The following HINFP variants were observed in gnomAD, a reference collection of about 807,000 sequenced individuals.
HINFP encodes MBD2 (methyl-CpG-binding protein)-interacting zinc finger protein.
Under a neutral mutation model 50.1 loss-of-function variants are expected in HINFP, and 20 were observed. The ratio of observed to expected loss-of-function variants is 0.40; its 90% CI spans 0.28 to 0.58. The LOEUF (loss-of-function observed/expected upper bound fraction) is 0.58, where lower values mean the gene tolerates loss of function less well. HINFP is among the 20% of genes least tolerant of loss of function. The pLI, the probability that HINFP is intolerant of heterozygous loss-of-function variation, is 0.45. For missense variants in HINFP, 505 were observed against 664.1 expected, an observed-to-expected ratio of 0.76 and a Z score of 2.63; for synonymous variants, 247 against 243.7, an observed-to-expected ratio of 1.01 and a Z score of -0.13.
chr11:119,131,395 C>G lies in HINFP; in HGVS notation c.412-140C>G. The G allele has an allele frequency of 1.5e-6, 1 of 681,578 alleles. No homozygotes were observed. The highest frequency in any genetic ancestry group is 1.6e-5 in the South Asian group (1 of 61,490). 42.2% of individuals were successfully genotyped at this position (681,578 alleles called of 1,614,324 possible). ...TTAGCAACCGCACCCGGCCACTCCT[C>G]CATTTCTGTGCAGTGCCTTTCCTCA... is the stretch of plus-strand genomic sequence containing the variant. On this transcript the variant is annotated intron_variant, in intron 3 of 9. Transcript: ENST00000350777. This position sits in a 1 kb window ranked among gnomAD's most constrained non-coding sequence, Gnocchi z 4.2.
Position 119,131,588 on chromosome 11 carries a change from G to A in HINFP, c.465G>A (p.Leu155=). ...WFYRHVEAHS[L]CCEYEAVGKD... ...ATCGGCATGTGGAAGCACACAGTCT[G>A]TGCTGTGAATACGAAGCAGTCGGCA... Residue 155 remains leucine, a synonymous_variant, in exon 4 of 10, where the codon CTG becomes CTA. Coordinates refer to ENST00000350777, the MANE Select transcript of HINFP (RefSeq NM_198971.3). This position sits in a 1 kb window ranked among gnomAD's most constrained non-coding sequence, Gnocchi z 4.2. The A allele has an allele frequency of 6.2e-7, 1 of 1,614,190 alleles. No individual in the cohort carries two copies. The highest frequency in any genetic ancestry group is 1.1e-5 in the South Asian group (1 of 91,088).
intron 2 of HINFP, among the ~76,000 whole-genome samples, chr11:119,128,524 G>T (rs1469762098): frequency 2.0e-5 from 3 of 150,766 alleles, no homozygotes; most frequent in Admixed American, 2.0e-4. Context: ...TAGCCAGGAT[G>T]CCCCTGTTGG....
intron 2 of HINFP, chr11:119,129,758 C>G (rs933493774): frequency 5.9e-5 from 9 of 152,176 alleles, no homozygotes; most frequent in African/African-American, 2.2e-4. Context: ...GCCACCGCAC[C>G]CGGCCCAAAA....
chr11:119,131,887 C>T lies in HINFP; in HGVS notation c.581C>T (p.Thr194Ile). 1 of 1,614,204 alleles carries T rather than the reference C, an allele frequency of 6.2e-7. No individual in the cohort carries two copies. Among genetic ancestry groups the T allele is most frequent in the South Asian group, 1.1e-5 (1 of 91,090 alleles). ...SKLREHLRSH[T>I]QEKVVACPTC... is the part of the protein sequence containing the mutation. ...CTTCGAGAGCACCTCCGCAGCCATA[C>T]CCAGGAGAAAGTGGTAGCCTGCCCC... Residue 194 changes from threonine to isoleucine, a missense_variant, in exon 5 of 10, where the codon ACC (threonine) becomes ATC (isoleucine). By Grantham distance (89) the Thr-to-Ile change is moderately conservative. Transcript: ENST00000350777. This position sits in a 1 kb window ranked among gnomAD's most constrained non-coding sequence, Gnocchi z 4.2.
Position 119,132,587 on chromosome 11 carries a change from G to A in HINFP, c.754+14G>A, listed in dbSNP as rs775904186. The A allele has an allele frequency of 1.2e-5, 19 of 1,613,944 alleles. No individual in the cohort carries two copies. Among genetic ancestry groups the A allele is most frequent in the Admixed American group, 5.0e-5 (3 of 59,978 alleles). ...TGCGCAACCATGGTGAGTGGCCTGCGGCCCACAGCCTCCCTCCTGCCCTCC... is the reference window on the plus strand; with the variant it reads ...TGCGCAACCATGGTGAGTGGCCTGCAGCCCACAGCCTCCCTCCTGCCCTCC... On this transcript the variant is annotated intron_variant, in intron 6 of 9. Coordinates refer to ENST00000350777, the MANE Select transcript of HINFP (RefSeq NM_198971.3).
chr11:119,128,400 G>T (rs188450660), intron 2 of HINFP, among the ~76,000 whole-genome samples: 1 of 151,694 alleles, frequency 6.6e-6, no homozygotes, highest in Non-Finnish European at 1.5e-5. Flanking sequence ...CTGCCTCCTC[G>T]GTTCAAGCGA....
chr11:119,132,466 C>G (rs747000509), intron 5 of HINFP, 30 bp from the exon 6 acceptor site: 15 of 1,610,356 alleles, frequency 9.3e-6, no homozygotes, highest in South Asian at 2.2e-5. Flanking sequence ...TCACCTACAG[C>G]CCTCCTTTCT....
intron 2 of HINFP, among the ~76,000 whole-genome samples, chr11:119,129,490 C>CTTTTTTTTTTTTTTTT (rs59395600): frequency 2.3e-4 from 29 of 124,170 alleles, no homozygotes; most frequent in East Asian, 2.0e-3. Context: ...TTTTTCTTTT[C>CTTTTTTTTTTTTTTTT]TTTTTTTTTT....
chr11:119,124,361 C>T (rs1160818112), intron 1 of HINFP: 1 of 151,972 alleles, frequency 6.6e-6, no homozygotes, highest in East Asian at 1.9e-4. Context: ...GAGTTCCCAC[C>T]TGTCTCAGGT....
intron 2 of HINFP, among the ~76,000 whole-genome samples, chr11:119,127,816 T>C (rs1169782307): frequency 6.6e-6 from 1 of 152,022 alleles, no homozygotes; most frequent in Non-Finnish European, 1.5e-5. Context: ...GCTGGGACTA[T>C]TGGCTTGTGC....
At chr11:119,128,452 C>T (rs1028070367) in intron 2 of HINFP, among the ~76,000 whole-genome samples, 1 of 151,354 alleles carries the variant, frequency 6.6e-6, no homozygotes, top group Non-Finnish European at 1.5e-5. Context: ...ATTACAGGTG[C>T]GTGCCACTAC....
chr11:119,130,636 C>A, intron 2 of HINFP, 89 bp from the exon 3 acceptor site: 1 of 1,162,160 alleles, frequency 8.6e-7, no homozygotes, highest in Non-Finnish European at 1.3e-6. Flanking sequence ...ACGAGTCCAG[C>A]CTCCTCACTC....
In HINFP at chr11:119,134,609, G is replaced by A. The variant is rs1001911838; in HGVS notation, c.*111G>A. On this transcript the variant is annotated 3_prime_UTR_variant, in exon 10 of 10. Transcript: ENST00000350777. The surrounding 1 kb of genome is among the most constrained non-coding windows in gnomAD (Gnocchi z 4.3). ...AATGGATGCCTTTAGGAGTGGTGCC[G>A]AGAGCAGTGTGGTCCACTCTGGCCT... The A allele has an allele frequency of 2.1e-5, 17 of 805,038 alleles. No homozygotes were observed. Among genetic ancestry groups the A allele is most frequent in the South Asian group, 1.5e-4 (8 of 53,922 alleles). 49.9% of individuals were successfully genotyped at this position (805,038 alleles called of 1,614,324 possible).
At chr11:119,130,663 G>A in intron 2 of HINFP, 62 bp from the exon 3 acceptor site, 2 of 1,444,938 alleles carry the variant, frequency 1.4e-6, no homozygotes, top group Middle Eastern at 1.8e-4. Flanking sequence ...TAGTGCTGCA[G>A]GTGGAAGGTG....
chr11:119,123,706 G>GTTTTT (rs71470956), intron 1 of HINFP: 39 of 74,146 alleles, frequency 5.3e-4, no homozygotes, highest in Non-Finnish European at 8.5e-4. Flanking sequence ...CACATCGGCT[G>GTTTTT]TTTTTTTTTT....
At chr11:119,122,208 G>C (rs187652060) in intron 1 of HINFP, among the ~76,000 whole-genome samples, 5 of 152,262 alleles carry the variant, frequency 3.3e-5, no homozygotes, top group Admixed American at 3.3e-4. Context: ...GTAGAAACAA[G>C]AGACACAGAA....
chr11:119,136,012 T>C lies in HINFP; in HGVS notation c.*1514T>C, dbSNP rs629345. 0.47 allele frequency: 71,442 copies of C among 152,006 alleles called. 17,902 individuals are homozygous for C. The highest frequency in any genetic ancestry group is 0.9 in the East Asian group (4,651 of 5,170). 9.4% of individuals were successfully genotyped at this position (152,006 alleles called of 1,614,324 possible). A position where few individuals can be genotyped will look rare whatever the true frequency, so the allele number is the denominator to read the frequency against. On this transcript the variant is annotated 3_prime_UTR_variant, in exon 10 of 10. Coordinates refer to ENST00000350777, the MANE Select transcript of HINFP (RefSeq NM_198971.3). ...ACTGCACTCCAGCCTGGCGACACAG[T>C]GAGACTCCGTCTCAAATAAATAAAT...
Position 119,132,869 on chromosome 11 carries a change from A to G in HINFP, c.881A>G (p.Lys294Arg). 6.2e-7 allele frequency: 1 copy of G among 1,614,204 alleles called. No individual in the cohort carries two copies. The highest frequency in any genetic ancestry group is 8.5e-7 in the Non-Finnish European group (1 of 1,180,040). The change falls in exon 8 of 10, where the codon AAG becomes AGG. Residue 294 changes from lysine (K) to arginine (R), a missense_variant. Lys to Arg is a conservative substitution (Grantham distance 26). Coordinates refer to ENST00000350777, the MANE Select transcript of HINFP (RefSeq NM_198971.3). ...FKCDCCDYSCKNLIDLQKHLD... is the reference protein window; with the variant it reads ...FKCDCCDYSCRNLIDLQKHLD... ...CTCCTGATTTCTCATGGCAGCTGCA[A>G]GAATCTTATTGACCTCCAGAAGCAC...
Position 119,131,734 on chromosome 11 carries a change from GGCAAGGTTGACT to G in HINFP, c.523+91_524-82del. ...CAGAAAGGGATAGGGGTCCTACAGG[GGCAAGGTTGACT>G]GCCGGCTGGAGAGACTCAGGGGTAC... On this transcript the variant is annotated intron_variant, in intron 4 of 9. Coordinates refer to ENST00000350777, the MANE Select transcript of HINFP (RefSeq NM_198971.3). The surrounding 1 kb of genome is among the most constrained non-coding windows in gnomAD (Gnocchi z 4.2). 6.3e-7 allele frequency: 1 copy of G among 1,596,870 alleles called. No homozygotes were observed. The highest frequency in any genetic ancestry group is 2.2e-5 in the East Asian group (1 of 44,768).
Sources: allele counts gnomAD v4.1 joint callset (sites outside exome capture counted in the v4.1 genomes callset), GRCh38; gene constraint gnomAD v4.1.1; non-coding constraint Gnocchi (gnomAD v3.1); transcripts MANE v1.5; gene names NCBI Gene and HGNC (gene_info 2026-07-23, HGNC 2026-07-21).